Variants in COL5A1 observed in about 807,000 individuals in gnomAD.
COL5A1 encodes the protein collagen type V alpha 1 chain, also known as collagen alpha-1(V) chain.
A neutral mutation model predicts 263.7 loss-of-function variants in COL5A1; 16 were observed. The observed-to-expected ratio is 0.06, with a 90% CI of 0.04 to 0.09. The LOEUF is 0.09. Among genes scored for constraint, COL5A1 ranks in the 10% least tolerant of loss-of-function variants. The pLI is 1.00. For missense variants in COL5A1, 2,036 were observed against 2,540.5 expected (o/e 0.80, Z 4.27); for synonymous variants, 1,012 against 1,004.5 (o/e 1.01, Z -0.14).
intron 18 of COL5A1, among the ~76,000 whole-genome samples, chr9:134,760,241 TACAC>T (rs1177592320): frequency 1.4e-5 from 1 of 69,962 alleles, no homozygotes; most frequent in Non-Finnish European, 2.6e-5. Flanking sequence ...CACACACGCA[TACAC>T]ACCCACACAC....
intron 1 of COL5A1, among the ~76,000 whole-genome samples, chr9:134,690,634 G>A (rs1279974028): frequency 6.6e-6 from 1 of 152,122 alleles, no homozygotes; most frequent in Non-Finnish European, 1.5e-5. Context: ...TGCCCCTGGT[G>A]TGTGGCCGCT....
chr9:134,802,967 C>A lies in COL5A1; in HGVS notation c.3086C>A (p.Pro1029Gln), dbSNP rs768531108. 1 of 1,608,604 alleles carries A rather than the reference C, an allele frequency of 6.2e-7. No individual in the cohort carries two copies. Among genetic ancestry groups the A allele is most frequent in the Admixed American group, 1.7e-5 (1 of 59,234 alleles). ...GGACCCCCCGGTGAACAGGGGCTTC[C>A]GGGCCTTGCTGGAAAAGAAGGGACG... is the stretch of plus-strand genomic sequence containing the variant. ...PPGPPGEQGL[P>Q]GLAGKEGTKG... The change falls in exon 39 of 66, where the codon CCG becomes CAG. Residue 1029 changes from proline to glutamine, a missense_variant. Around this residue, in one of 3 missense-constraint regions of COL5A1, gnomAD observed 1,078 missense variants for 1,521.4 expected, o/e 0.71. Transcript: ENST00000371817.
At position 134,758,224 on chromosome 9, in the gene COL5A1, C is replaced by A. The variant is rs762006076; in HGVS notation, c.1882-19C>A. The A allele has an allele frequency of 6.2e-7, 1 of 1,613,840 alleles. No homozygotes were observed. The highest frequency in any genetic ancestry group is 1.7e-5 in the Admixed American group (1 of 59,988). ...TGTGCAGGGTGGCGTCTGAGGCAGC[C>A]TTTCTGTCCTTTTTGCAGGGTGACC... On this transcript the variant is annotated intron_variant, in intron 17 of 65. Coordinates refer to ENST00000371817, the MANE Select transcript of COL5A1 (RefSeq NM_000093.5). The surrounding 1 kb of genome is among the most constrained non-coding windows in gnomAD (Gnocchi z 4.1).
rs1836100578 is a variant in COL5A1 at position 134,758,987 on chromosome 9, A to G, written c.1935+691A>G. Among the ~76,000 whole-genome samples the G allele has an allele frequency of 6.6e-6, 1 of 152,124 alleles. No homozygotes were observed. Among genetic ancestry groups the G allele is most frequent in the Non-Finnish European group, 1.5e-5 (1 of 68,016 alleles). ...TCAATAACAACGTGATAGAAAGCCTACAATCTCCTGCCCTGTTGAGGAGGT... is the reference window on the plus strand; with the variant it reads ...TCAATAACAACGTGATAGAAAGCCTGCAATCTCCTGCCCTGTTGAGGAGGT... On this transcript the variant is annotated intron_variant, in intron 18 of 65. Coordinates refer to ENST00000371817, the MANE Select transcript of COL5A1 (RefSeq NM_000093.5). The surrounding 1 kb of genome is among the most constrained non-coding windows in gnomAD (Gnocchi z 4.1).
intron 1 of COL5A1, among the ~76,000 whole-genome samples, chr9:134,685,407 CATT>C (rs1833012140): frequency 7.5e-6 from 1 of 133,848 alleles, no homozygotes; most frequent in Admixed American, 7.5e-5. Context: ...ACCATCCATC[CATT>C]AATTCATCCA....
In COL5A1 at chr9:134,750,766, G is replaced by A. The variant is rs1480425006; in HGVS notation, c.1570-24G>A. 5 of 1,612,808 alleles carry A rather than the reference G, an allele frequency of 3.1e-6. No individual in the cohort carries two copies. In the Admixed American group the frequency reaches 8.3e-5, roughly 27 times the overall value. On this transcript the variant is annotated intron_variant, in intron 12 of 65. Transcript: ENST00000371817. ...TGGGTGCCACGTCACTGCTCCCAGA[G>A]TGACCCTTGTCTTACACTTGCAGTT...
At position 134,835,106 on chromosome 9, in the gene COL5A1, G is replaced by C; in HGVS notation, c.5272G>C (p.Gly1758Arg). 1 of 1,613,798 alleles carries C rather than the reference G, an allele frequency of 6.2e-7. No homozygotes were observed. Among genetic ancestry groups the C allele is most frequent in the Non-Finnish European group, 8.5e-7 (1 of 1,180,034 alleles). Residue 1758 changes from glycine (G) to arginine (R), a missense_variant, in exon 65 of 66, where the codon GGC (glycine) becomes CGC (arginine). Physicochemically the swap from Gly to Arg is moderately radical, Grantham distance 125 (BLOSUM62 -2). Around this residue, in one of 3 missense-constraint regions of COL5A1, gnomAD observed 358 missense variants for 384.6 expected, o/e 0.93. Transcript: ENST00000371817. ...QSVAWQDAAT[G>R]SYDKALRFLG... is the part of the protein sequence containing the mutation. ...AGTGGCCTGGCAGGACGCAGCCACG[G>C]GCAGCTACGACAAGGCCCTCCGCTT...
At chr9:134,695,922 G>A (rs4841924) in intron 2 of COL5A1, among the ~76,000 whole-genome samples, 128,339 of 152,076 alleles carry the variant, frequency 0.84, 55,289 homozygotes, top group East Asian at 0.98. Context: ...CCTTCTGGTC[G>A]GGACTGAAGA....
At chr9:134,829,833 C>A in intron 63 of COL5A1, 143 bp from the exon 64 acceptor site, 4 of 887,382 alleles carry the variant, frequency 4.5e-6, no homozygotes, top group Non-Finnish European at 7.2e-6. Flanking sequence ...ACTGAAGGCG[C>A]TCGGTGGGTC....
chr9:134,702,023 C>T (rs1053992747), intron 4 of COL5A1, among the ~76,000 whole-genome samples: 2 of 152,156 alleles, frequency 1.3e-5, no homozygotes, highest in East Asian at 1.9e-4. Context: ...CCAGCTGCCC[C>T]GGGTGGGGGC....
In COL5A1 at chr9:134,642,353, G is replaced by A; in HGVS notation, c.109+57G>A. On this transcript the variant is annotated intron_variant, in intron 1 of 65. Coordinates refer to ENST00000371817, the MANE Select transcript of COL5A1 (RefSeq NM_000093.5). The surrounding 1 kb of genome is among the most constrained non-coding windows in gnomAD (Gnocchi z 4.5). ...ATGGGGCGCGCGCAGCCCGGGCGCC[G>A]CTGTCATCCCCGGGCGCCTTCGCCC... is the stretch of plus-strand genomic sequence containing the variant. The A allele has an allele frequency of 9.3e-6, 4 of 429,040 alleles. No individual in the cohort carries two copies. Among genetic ancestry groups the A allele is most frequent in the Non-Finnish European group, 1.4e-5 (4 of 286,272 alleles). 26.6% of individuals were successfully genotyped at this position (429,040 alleles called of 1,614,324 possible).
chr9:134,669,394 C>T (rs1173797985), intron 1 of COL5A1, among the ~76,000 whole-genome samples: 3 of 150,276 alleles, frequency 2.0e-5, no homozygotes, highest in Non-Finnish European at 4.4e-5. Flanking sequence ...ATCCATCCAT[C>T]CACTTATCCA....
At chr9:134,654,875 TG>T (rs1435255668) in intron 1 of COL5A1, among the ~76,000 whole-genome samples, 6 of 104,198 alleles carry the variant, frequency 5.8e-5, no homozygotes, top group East Asian at 6.5e-4. Context: ...TGTCTAGGGC[TG>T]GGGGTGTGTA....
chr9:134,823,145 G>C (rs1223116391), intron 60 of COL5A1, 112 bp downstream of exon 60: 1 of 1,294,050 alleles, frequency 7.7e-7, no homozygotes, highest in East Asian at 2.4e-5. Flanking sequence ...AGGCCCTGCT[G>C]CTCACGATCC....
chr9:134,761,719 TGGTGAGACTCA>T (rs1836450696), intron 18 of COL5A1, among the ~76,000 whole-genome samples, 195 bp from the exon 19 acceptor site: 1 of 152,224 alleles, frequency 6.6e-6, no homozygotes, highest in African/African-American at 2.4e-5. Context: ...CAGGCCATCG[TGGTGAGACTCA>T]GGTGAGAGTC....
Position 134,730,328 on chromosome 9 carries a change from C to T in COL5A1, c.1017C>T (p.Asp339=), listed in dbSNP as rs750894041. 18 of 1,614,132 alleles carry T rather than the reference C, an allele frequency of 1.1e-5. No individual in the cohort carries two copies. In the South Asian group the frequency reaches 2.0e-4, roughly 18 times the overall value. The change falls in exon 7 of 66, where the codon GAC becomes GAT. Residue 339 remains aspartate, a synonymous_variant. Transcript: ENST00000371817. ...KEEDVGIGDY[D]YVPSEDYYTP... ...AGGACGTCGGCATCGGGGACTATGACTACGTGCCCAGTGAGGACTACTACA... is the reference window on the plus strand; with the variant it reads ...AGGACGTCGGCATCGGGGACTATGATTACGTGCCCAGTGAGGACTACTACA...
Position 134,744,690 on chromosome 9 carries a change from T to TGC in COL5A1, c.1495-5851_1495-5850dup, listed in dbSNP as rs775688356. On this transcript the variant is annotated intron_variant, in intron 11 of 65. Transcript: ENST00000371817. ...ACATGCACACACATTCACACATGCATGCACACACCCATACATGCTCTCACA... is the reference window on the plus strand; with the variant it reads ...ACATGCACACACATTCACACATGCATGCGCACACACCCATACATGCTCTCACA... Among the ~76,000 whole-genome samples, 523 of 149,070 alleles carry TGC rather than the reference T, an allele frequency of 3.5e-3. 1 individual carries two copies. Among genetic ancestry groups the TGC allele is most frequent in the Non-Finnish European group, 2.9e-3 (197 of 67,416 alleles).
At position 134,821,439 on chromosome 9, in the gene COL5A1, C is replaced by T. The variant is rs570650543; in HGVS notation, c.4555-658C>T. On this transcript the variant is annotated intron_variant, in intron 58 of 65. Coordinates refer to ENST00000371817, the MANE Select transcript of COL5A1 (RefSeq NM_000093.5). The surrounding 1 kb of genome is among the most constrained non-coding windows in gnomAD (Gnocchi z 4.2). ...ACGGCCATCAGCCCTCCGCTACCCT[C>T]GCCCCCAGCTTCTGCCCGGAGAGAG... Among the ~76,000 whole-genome samples the T allele has an allele frequency of 7.9e-5, 12 of 152,290 alleles. No individual in the cohort carries two copies. Among genetic ancestry groups the T allele is most frequent in the South Asian group, 4.1e-4 (2 of 4,824 alleles).
At position 134,680,066 on chromosome 9, in the gene COL5A1, T is replaced by C. The variant is rs1195187870; in HGVS notation, c.110-10846T>C. Among the ~76,000 whole-genome samples the C allele has an allele frequency of 3.9e-5, 6 of 152,026 alleles. No individual in the cohort carries two copies. The highest frequency in any genetic ancestry group is 8.8e-5 in the Non-Finnish European group (6 of 67,980). On this transcript the variant is annotated intron_variant, in intron 1 of 65. Coordinates refer to ENST00000371817, the MANE Select transcript of COL5A1 (RefSeq NM_000093.5). This position sits in a 1 kb window ranked among gnomAD's most constrained non-coding sequence, Gnocchi z 5.9. ...ATCCTTTGCACAGAGAATCTCATAA[T>C]AAGCAATGCAGTGAGAGCAGTGACA...
Sources: allele counts gnomAD v4.1 joint callset (sites outside exome capture counted in the v4.1 genomes callset), GRCh38; gene constraint gnomAD v4.1.1; regional missense constraint gnomAD v4.1.1; non-coding constraint Gnocchi (gnomAD v3.1); transcripts MANE v1.5; gene names NCBI Gene and HGNC (gene_info 2026-07-23, HGNC 2026-07-21).